PGBD2: variants seen among roughly 807,000 people sequenced by gnomAD.
PGBD2 encodes the protein piggyBac transposable element derived 2.
In PGBD2, 6 loss-of-function variants were observed where a neutral mutation model predicts 8.1. The ratio of observed to expected loss-of-function variants is 0.74; its 90% CI spans 0.40 to 1.46. The LOEUF is 1.46. Ranked by LOEUF, PGBD2 falls within the 40% of genes most tolerant of loss-of-function variation. PGBD2 has a pLI of 0.02. For synonymous variants in PGBD2, 318 were observed against 272.2 expected (o/e 1.17, Z -1.66); for missense variants, 802 against 739.0 (o/e 1.09, Z -0.99).
intron 2 of PGBD2, among the ~76,000 whole-genome samples, chr1:248,914,845 C>A (rs1323274896): frequency 6.6e-6 from 1 of 152,202 alleles, no homozygotes; most frequent in Non-Finnish European, 1.5e-5. Flanking sequence ...GGGCCTGGTT[C>A]TCTCTGGCTC....
chr1:248,874,686 G>GCTCCTTAA, the PGBD2 span, among the ~76,000 whole-genome samples: 1 of 152,156 alleles, frequency 6.6e-6, no homozygotes, highest in African/African-American at 2.4e-5. Flanking sequence ...GCCGGTCCTA[G>GCTCCTTAA]CTCCTTAACG....
chr1:248,914,309 C>T (rs1195304533), intron 2 of PGBD2: 1 of 746,664 alleles, frequency 1.3e-6, no homozygotes, highest in African/African-American at 1.9e-5. Flanking sequence ...TTGGCTCTGC[C>T]CCTGTGAACT....
the PGBD2 span, among the ~76,000 whole-genome samples, chr1:248,928,251 T>C: frequency 9.3e-3 from 1,410 of 152,320 alleles, 27 homozygotes; most frequent in African/African-American, 0.032. Context: ...AAAGGAGCCC[T>C]TGTTACTGCA....
chr1:248,888,230 G>T, the PGBD2 span, among the ~76,000 whole-genome samples: 1 of 152,146 alleles, frequency 6.6e-6, no homozygotes, highest in African/African-American at 2.4e-5. Context: ...TATGAGCGCA[G>T]GTGTCTTTTT....
chr1:248,918,135 G>C lies in PGBD2; in HGVS notation c.1551G>C (p.Arg517=). The C allele has an allele frequency of 6.2e-7, 1 of 1,614,206 alleles. No homozygotes were observed. The highest frequency in any genetic ancestry group is 8.5e-7 in the Non-Finnish European group (1 of 1,180,036). Residue 517 remains arginine, a synonymous_variant, in exon 3 of 3, where the codon CGG becomes CGC. Coordinates refer to ENST00000329291, the MANE Select transcript of PGBD2 (RefSeq NM_170725.3). The part of the protein sequence containing the change: ...QDAQVDLLAF[R]RYIACVYLES... Reference sequence around the variant, plus strand: ...CCCAGGTGGACCTCCTTGCCTTCCGGAGATACATTGCCTGTGTGTATCTGG... The same window carrying C: ...CCCAGGTGGACCTCCTTGCCTTCCGCAGATACATTGCCTGTGTGTATCTGG...
chr1:248,929,026 T>C, the PGBD2 span, among the ~76,000 whole-genome samples: 2 of 152,272 alleles, frequency 1.3e-5, no homozygotes, highest in Non-Finnish European at 2.9e-5. Context: ...CAAATGCTAC[T>C]GTAGATTCCA....
At chr1:248,887,665 C>T in the PGBD2 span, among the ~76,000 whole-genome samples, 2 of 152,096 alleles carry the variant, frequency 1.3e-5, no homozygotes, top group African/African-American at 4.8e-5. Flanking sequence ...AAGGCAATGG[C>T]TTTGTAAAAA....
the PGBD2 span, among the ~76,000 whole-genome samples, chr1:248,878,597 C>T: frequency 1.3e-5 from 2 of 152,218 alleles, no homozygotes; most frequent in South Asian, 2.1e-4. Context: ...GGAATGTGCT[C>T]GTTTTGTCTA....
At chr1:248,909,794 G>A (rs1661801619) in intron 1 of PGBD2, among the ~76,000 whole-genome samples, 1 of 152,212 alleles carries the variant, frequency 6.6e-6, no homozygotes, top group Non-Finnish European at 1.5e-5. Context: ...AAAGCAGTCA[G>A]GCCAGAGTAG....
At chr1:248,913,775 A>C (rs1242816502) in intron 1 of PGBD2, 41 bp from the exon 2 acceptor site, 2 of 1,049,354 alleles carry the variant, frequency 1.9e-6, no homozygotes, top group Non-Finnish European at 3.0e-6. Flanking sequence ...TTGCTTCTTA[A>C]GATACAATTT....
chr1:248,893,208 T>C, the PGBD2 span, among the ~76,000 whole-genome samples: 1 of 152,232 alleles, frequency 6.6e-6, no homozygotes, highest in Non-Finnish European at 1.5e-5. Context: ...TTTCCTTTTA[T>C]CCCTTTGTTG....
At chr1:248,895,596 C>T in the PGBD2 span, among the ~76,000 whole-genome samples, 4 of 151,680 alleles carry the variant, frequency 2.6e-5, no homozygotes, top group Non-Finnish European at 5.9e-5. Flanking sequence ...TTCTTGGTTA[C>T]GTGGATAAGT....
In PGBD2 at chr1:248,918,226, G is replaced by A. The variant is rs868647544; in HGVS notation, c.1642G>A (p.Asp548Asn). The A allele has an allele frequency of 3.1e-6, 5 of 1,614,116 alleles. No homozygotes were observed. The highest frequency in any genetic ancestry group is 4.5e-5 in the East Asian group (2 of 44,892). ...GCGGTTGGAGACTGAGAGCCGCTTC[G>A]ATATGATTGGGCACTGGATTATCCA... is the stretch of plus-strand genomic sequence containing the variant. The part of the protein sequence containing the change: ...SRRLETESRF[D>N]MIGHWIIHQD... Residue 548 changes from aspartate to asparagine, a missense_variant, in exon 3 of 3, where the codon GAT becomes AAT. Transcript: ENST00000329291.
At chr1:248,920,732 A>G (rs1490815783), downstream of PGBD2, among the ~76,000 whole-genome samples, 2 of 152,214 alleles carry the variant, frequency 1.3e-5, no homozygotes, top group African/African-American at 4.8e-5. Context: ...GTCTTCCACA[A>G]TGGTGGAACT....
chr1:248,901,659 C>T (rs1293835245), upstream of PGBD2, among the ~76,000 whole-genome samples: 3 of 152,114 alleles, frequency 2.0e-5, no homozygotes, highest in Non-Finnish European at 1.5e-5. Flanking sequence ...CTAGGCAATA[C>T]CATTCAGGAC....
chr1:248,903,150 A>T (rs1469813477), upstream of PGBD2, among the ~76,000 whole-genome samples: 3 of 152,034 alleles, frequency 2.0e-5, no homozygotes, highest in African/African-American at 7.3e-5. Context: ...GACATGAACC[A>T]TTGCTCCTGA....
chr1:248,877,602 C>G, the PGBD2 span, among the ~76,000 whole-genome samples: 1 of 152,078 alleles, frequency 6.6e-6, no homozygotes, highest in Non-Finnish European at 1.5e-5. Flanking sequence ...AAGAAGAATT[C>G]TATTTAAGGG....
intron 1 of PGBD2, among the ~76,000 whole-genome samples, chr1:248,913,282 G>A (rs374902871): frequency 1.3e-5 from 2 of 152,162 alleles, no homozygotes; most frequent in South Asian, 4.1e-4. Context: ...CCTGCACATA[G>A]TATCTGCTGA....
chr1:248,926,404 T>C, the PGBD2 span, among the ~76,000 whole-genome samples: 1 of 152,190 alleles, frequency 6.6e-6, no homozygotes, highest in Non-Finnish European at 1.5e-5. Context: ...AGTGTCTCCT[T>C]ATGGAAAGGT....
Sources: gnomAD v4.1 joint callset for allele counts (sites outside exome capture counted in the v4.1 genomes callset) on GRCh38, gnomAD v4.1.1 for gene constraint, MANE v1.5 for transcripts, NCBI Gene and HGNC (gene_info 2026-07-23, HGNC 2026-07-21) for gene names.